CECR2: variants seen among roughly 807,000 people sequenced by gnomAD.
The protein encoded by CECR2 is chromatin remodeling regulator CECR2.
In CECR2, 30 loss-of-function variants were observed where a neutral mutation model predicts 154.5. The ratio of observed to expected loss-of-function variants is 0.19; its 90% CI spans 0.15 to 0.26. CECR2 has a LOEUF of 0.26. CECR2 is among the 10% of genes least tolerant of loss of function. CECR2 has a pLI of 1.00. For synonymous variants in CECR2, 725 were observed against 683.7 expected, an observed-to-expected ratio of 1.06 and a Z score of -0.94; for missense variants, 1,743 against 1,829.3, an observed-to-expected ratio of 0.95 and a Z score of 0.86.
At chr22:17,431,552 T>C (rs1334714477) in intron 1 of CECR2, among the ~76,000 whole-genome samples, 1 of 152,202 alleles carries the variant, frequency 6.6e-6, no homozygotes, top group Non-Finnish European at 1.5e-5. Context: ...TGCATGTAGA[T>C]CTTGAATAAC....
At chr22:17,536,290 T>A (rs2056436263) in intron 9 of CECR2, among the ~76,000 whole-genome samples, 1 of 152,176 alleles carries the variant, frequency 6.6e-6, no homozygotes. Context: ...AGGCTCTTGC[T>A]GGCTTCTCCT....
intron 2 of CECR2, among the ~76,000 whole-genome samples, chr22:17,481,590 A>G (rs1485795800): frequency 2.0e-5 from 3 of 152,140 alleles, no homozygotes; most frequent in African/African-American, 7.2e-5. Context: ...GGGGCCAGCA[A>G]ATGTTTTTTG....
At chr22:17,399,665 C>T (rs955016197) in intron 1 of CECR2, among the ~76,000 whole-genome samples, 2 of 152,056 alleles carry the variant, frequency 1.3e-5, no homozygotes, top group Non-Finnish European at 2.9e-5. Flanking sequence ...GCCTTGGCCT[C>T]CCAAAGTGCT....
intron 7 of CECR2, among the ~76,000 whole-genome samples, chr22:17,510,428 C>T (rs1469299729): frequency 6.6e-6 from 1 of 151,836 alleles, no homozygotes; most frequent in South Asian, 2.1e-4. Context: ...TATGATTGCA[C>T]CACTGCACTC....
Position 17,548,939 on chromosome 22 carries a change from C to T in CECR2, c.3652C>T (p.Pro1218Ser). 1 of 1,613,856 alleles carries T rather than the reference C, an allele frequency of 6.2e-7. No individual in the cohort carries two copies. The highest frequency in any genetic ancestry group is 1.3e-5 in the African/African-American group (1 of 75,042). ...SFSDWQRPLH[P>S]QGSPSGPPAS... The stretch of plus-strand genomic sequence containing the variant: ...TTCTGACTGGCAGAGACCTCTCCAT[C>T]CCCAGGGAAGCCCAAGCGGACCCCC... Residue 1218 changes from proline (P) to serine (S), a missense_variant, in exon 17 of 19, where the codon CCC becomes TCC. Physicochemically the swap from Pro to Ser is moderately conservative, Grantham distance 74. Coordinates refer to ENST00000262608, the MANE Select transcript of CECR2 (RefSeq NM_001290047.2).
chr22:17,483,114 A>T (rs1435165806), intron 2 of CECR2, among the ~76,000 whole-genome samples: 2 of 152,264 alleles, frequency 1.3e-5, no homozygotes, highest in Admixed American at 6.5e-5. Flanking sequence ...TTCCAGTGGG[A>T]CAAGATGTCG....
intron 1 of CECR2, among the ~76,000 whole-genome samples, chr22:17,469,840 A>T (rs930658244): frequency 6.6e-6 from 1 of 152,186 alleles, no homozygotes; most frequent in African/African-American, 2.4e-5. Flanking sequence ...CCTTTCAGCT[A>T]TTGCTGTCCT....
At chr22:17,530,516 AC>A (rs1283074277) in intron 9 of CECR2, among the ~76,000 whole-genome samples, 2 of 152,078 alleles carry the variant, frequency 1.3e-5, no homozygotes, top group African/African-American at 4.8e-5. Context: ...TACTAAAAAT[AC>A]AAAAAAAAAA....
chr22:17,543,744 C>T (rs1274340773), intron 16 of CECR2, among the ~76,000 whole-genome samples: 1 of 151,628 alleles, frequency 6.6e-6, no homozygotes, highest in African/African-American at 2.4e-5. Context: ...ATTTTTAGTA[C>T]AGACAAGGTT....
At position 17,503,086 on chromosome 22, in the gene CECR2, A is replaced by G; in HGVS notation, c.655A>G (p.Lys219Glu). Residue 219 changes from lysine to glutamate, a missense_variant, in exon 6 of 19, where the codon AAG (lysine) becomes GAG (glutamate). Physicochemically the swap from Lys to Glu is moderately conservative, Grantham distance 56. Coordinates refer to ENST00000262608, the MANE Select transcript of CECR2 (RefSeq NM_001290047.2). ...KLQEEILLSE[K>E]QEENSLASEP... The stretch of plus-strand genomic sequence containing the variant: ...CCTCTTTTTCCTGTGTTTCAGTGAA[A>G]AGCAGGAAGAAAATTCCTTGGCATC... 1 of 1,610,976 alleles carries G rather than the reference A, an allele frequency of 6.2e-7. No homozygotes were observed. The highest frequency in any genetic ancestry group is 8.5e-7 in the Non-Finnish European group (1 of 1,178,570).
chr22:17,527,693 G>T (rs938682008), intron 9 of CECR2, among the ~76,000 whole-genome samples: 3 of 151,644 alleles, frequency 2.0e-5, no homozygotes, highest in Non-Finnish European at 2.9e-5. Flanking sequence ...CTTGAACCTG[G>T]GAGACAGAGG....
chr22:17,525,285 CCAAAAAAAAAAAAAAAAA>C (rs1462431603), intron 9 of CECR2, among the ~76,000 whole-genome samples: 8 of 32,324 alleles, frequency 2.5e-4, no homozygotes, highest in African/African-American at 7.3e-4. Flanking sequence ...AACTCCATCT[CCAAAAAAAAAAAAAAAAA>C]AAAAAAAAAA....
At chr22:17,446,651 G>T (rs1424591657) in intron 1 of CECR2, among the ~76,000 whole-genome samples, 1 of 152,190 alleles carries the variant, frequency 6.6e-6, no homozygotes, top group Non-Finnish European at 1.5e-5. Flanking sequence ...GGGAGGTGGA[G>T]CTTACAGTGA....
chr22:17,553,442 C>G lies in CECR2; in HGVS notation c.*602C>G, dbSNP rs896597317. ...GATTTTTATCTGTTTACAATCATGT[C>G]ACACTGAATACTTATGGGAGCCGGA... On this transcript the variant is annotated 3_prime_UTR_variant, in exon 19 of 19. Coordinates refer to ENST00000262608, the MANE Select transcript of CECR2 (RefSeq NM_001290047.2). 1.3e-5 allele frequency: 2 copies of G among 152,260 alleles called. No individual in the cohort carries two copies. The highest frequency in any genetic ancestry group is 2.9e-5 in the Non-Finnish European group (2 of 68,126). The allele number at this position is 152,260 out of a possible 1,614,324, so 9.4% of individuals were successfully genotyped here.
intron 1 of CECR2, 133 bp from the exon 2 acceptor site, chr22:17,477,455 A>C: frequency 1.5e-6 from 1 of 663,276 alleles, no homozygotes; most frequent in South Asian, 1.7e-5. Flanking sequence ...AAGGAAGGGC[A>C]GAGCTGATCT....
At chr22:17,541,265 C>G (rs957837148) in intron 14 of CECR2, among the ~76,000 whole-genome samples, 1 of 152,116 alleles carries the variant, frequency 6.6e-6, no homozygotes, top group African/African-American at 2.4e-5. Flanking sequence ...ACCAGCCTAG[C>G]TAACATGGTG....
intron 1 of CECR2, among the ~76,000 whole-genome samples, chr22:17,431,083 C>A (rs2054415023): frequency 6.6e-6 from 1 of 152,162 alleles, no homozygotes; most frequent in African/African-American, 2.4e-5. Flanking sequence ...TAACCCTGTT[C>A]ATCCATACAC....
At chr22:17,500,515 T>C (rs1601466401) in intron 4 of CECR2, 116 bp from the exon 5 acceptor site, 1 of 734,192 alleles carries the variant, frequency 1.4e-6, no homozygotes, top group South Asian at 2.2e-5. Context: ...CCCTTTTCCT[T>C]TCACTGCTAC....
At chr22:17,503,463 T>C (rs149815397) in intron 6 of CECR2, among the ~76,000 whole-genome samples, 14 of 152,330 alleles carry the variant, frequency 9.2e-5, no homozygotes, top group Non-Finnish European at 1.5e-4. Flanking sequence ...GGTTTCCTTA[T>C]AGGTTTACTA....
Sources: gnomAD v4.1 joint callset for allele counts (sites outside exome capture counted in the v4.1 genomes callset) on GRCh38, gnomAD v4.1.1 for gene constraint, MANE v1.5 for transcripts, NCBI Gene and HGNC (gene_info 2026-07-23, HGNC 2026-07-21) for gene names.